Variants in ADAMTSL1 observed in about 807,000 individuals in gnomAD.
ADAMTSL1 encodes ADAMTS like 1.
In ADAMTSL1, 126 loss-of-function variants were observed where a neutral mutation model predicts 201.8. The ratio of observed to expected loss-of-function variants is 0.62; its 90% CI spans 0.54 to 0.72. The LOEUF (loss-of-function observed/expected upper bound fraction) is 0.72. Among genes scored for constraint, ADAMTSL1 ranks in the 30% least tolerant of loss-of-function variants. ADAMTSL1 has a pLI of 0.00. For synonymous variants in ADAMTSL1, 1,121 were observed against 903.4 expected (o/e 1.24, Z -4.32); for missense variants, 2,679 against 2,277.8 (o/e 1.18, Z -3.59).
chr9:18,254,050 C>T (rs1563837133), intron 2 of ADAMTSL1, among the ~76,000 whole-genome samples: 1 of 152,160 alleles, frequency 6.6e-6, no homozygotes, highest in East Asian at 1.9e-4. Context: ...GCAGCACCTC[C>T]TCGAGTGATT....
intron 7 of ADAMTSL1, among the ~76,000 whole-genome samples, chr9:18,654,279 T>C (rs890539870): frequency 1.3e-5 from 2 of 152,224 alleles, no homozygotes; most frequent in African/African-American, 2.4e-5. Flanking sequence ...ATTGCTTCCA[T>C]TTATGAATTT....
intron 2 of ADAMTSL1, among the ~76,000 whole-genome samples, chr9:18,506,807 G>A (rs997476960): frequency 8.6e-5 from 13 of 152,036 alleles, no homozygotes; most frequent in Non-Finnish European, 1.9e-4. Flanking sequence ...GGCTGACCAA[G>A]AAGCTTAAAA....
At chr9:18,516,407 A>T (rs760499701) in intron 2 of ADAMTSL1, among the ~76,000 whole-genome samples, 4 of 152,222 alleles carry the variant, frequency 2.6e-5, no homozygotes, top group Admixed American at 6.5e-5. Flanking sequence ...CATCAGCTGA[A>T]GCCCCTAACT....
rs1423884274 is a variant in ADAMTSL1, at chr9:17,912,042, T to C, written c.87+5120T>C. On this transcript the variant is annotated intron_variant, in intron 1 of 29. Coordinates refer to the ADAMTSL1 transcript ENST00000680146. Reference sequence around the variant, plus strand: ...ATCATTTTTTATGGCTGCATAGTATTCCATGGTGTATATGTGCCACATTTT... The same window carrying C: ...ATCATTTTTTATGGCTGCATAGTATCCCATGGTGTATATGTGCCACATTTT... Among the ~76,000 whole-genome samples the C allele has an allele frequency of 4.1e-4, 23 of 55,598 alleles. 4 individuals are homozygous for C. The highest frequency in any genetic ancestry group is 7.6e-4 in the African/African-American group (23 of 30,358). The allele number at this position is 55,598 out of a possible 152,430, so 36.5% of individuals were successfully genotyped here. A position where few individuals can be genotyped will look rare whatever the true frequency, so the allele number is the denominator to read the frequency against.
At chr9:18,571,566 C>G (rs945224373) in intron 3 of ADAMTSL1, among the ~76,000 whole-genome samples, 4 of 152,200 alleles carry the variant, frequency 2.6e-5, no homozygotes, top group Admixed American at 1.3e-4. Context: ...ACTTTAGACG[C>G]TCCCATTCAA....
At chr9:18,654,476 A>T (rs900470418) in intron 7 of ADAMTSL1, among the ~76,000 whole-genome samples, 1 of 152,240 alleles carries the variant, frequency 6.6e-6, no homozygotes, top group Admixed American at 6.5e-5. Context: ...CATTGTTTGG[A>T]TACCTACTAT....
chr9:18,847,266 C>T (rs776341754), intron 23 of ADAMTSL1, among the ~76,000 whole-genome samples: 1 of 152,068 alleles, frequency 6.6e-6, no homozygotes, highest in Non-Finnish European at 1.5e-5. Context: ...GGGTAGGGGG[C>T]ATTTAACAGA....
At chr9:18,160,668 T>A (rs1377719379) in intron 1 of ADAMTSL1, among the ~76,000 whole-genome samples, 1 of 97,314 alleles carries the variant, frequency 1.0e-5, no homozygotes, top group East Asian at 3.6e-4. Context: ...ATTTCTTTTT[T>A]TAATTAATTA....
intron 26 of ADAMTSL1, among the ~76,000 whole-genome samples, chr9:18,901,107 G>T (rs1380468158): frequency 6.6e-6 from 1 of 150,774 alleles, no homozygotes; most frequent in Non-Finnish European, 1.5e-5. Flanking sequence ...TTCTTATACT[G>T]CCTGTAAGAC....
chr9:18,237,291 A>T (rs1441856049), intron 2 of ADAMTSL1, among the ~76,000 whole-genome samples: 1 of 152,210 alleles, frequency 6.6e-6, no homozygotes, highest in East Asian at 1.9e-4. Context: ...TCTGTTTACC[A>T]GCTCAGGAGG....
chr9:18,514,776 T>G (rs1488052277), intron 2 of ADAMTSL1, among the ~76,000 whole-genome samples: 1 of 152,222 alleles, frequency 6.6e-6, no homozygotes, highest in African/African-American at 2.4e-5. Context: ...TTTGGATGCC[T>G]TTTATTTATT....
At chr9:18,378,991 G>T (rs542883064) in intron 2 of ADAMTSL1, among the ~76,000 whole-genome samples, 7 of 152,150 alleles carry the variant, frequency 4.6e-5, no homozygotes, top group Non-Finnish European at 5.9e-5. Context: ...ACAGAAGCAA[G>T]AAAAAGTAAG....
intron 1 of ADAMTSL1, among the ~76,000 whole-genome samples, chr9:18,061,379 T>C (rs1168191727): frequency 6.6e-6 from 1 of 152,226 alleles, no homozygotes; most frequent in Non-Finnish European, 1.5e-5. Flanking sequence ...ATTTCTTTGC[T>C]TCTACCACAA....
At chr9:18,188,854 C>T (rs984964109) in intron 2 of ADAMTSL1, among the ~76,000 whole-genome samples, 2 of 152,176 alleles carry the variant, frequency 1.3e-5, no homozygotes, top group Non-Finnish European at 2.9e-5. Flanking sequence ...GGCCAGGCAG[C>T]ATTAAGGGCT....
At chr9:18,790,795 A>C (rs1821988562) in intron 19 of ADAMTSL1, among the ~76,000 whole-genome samples, 1 of 152,230 alleles carries the variant, frequency 6.6e-6, no homozygotes, top group South Asian at 2.1e-4. Flanking sequence ...GGGTCAAAGA[A>C]GTAAAGTAAT....
intron 1 of ADAMTSL1, among the ~76,000 whole-genome samples, chr9:18,081,576 G>T (rs976788930): frequency 5.3e-5 from 8 of 152,088 alleles, no homozygotes; most frequent in African/African-American, 1.9e-4. Flanking sequence ...ACACATGTTT[G>T]CAGATTTCCA....
chr9:18,273,779 G>A (rs1832478834), intron 2 of ADAMTSL1, among the ~76,000 whole-genome samples: 1 of 152,126 alleles, frequency 6.6e-6, no homozygotes, highest in African/African-American at 2.4e-5. Context: ...GATTTCAATG[G>A]ACAAAATGTA....
chr9:18,720,141 C>G (rs1357736334), intron 14 of ADAMTSL1, among the ~76,000 whole-genome samples: 1 of 152,096 alleles, frequency 6.6e-6, no homozygotes, highest in Non-Finnish European at 1.5e-5. Context: ...AGACAAATGT[C>G]TAGGTTATTC....
chr9:18,067,250 C>T (rs1202453009), intron 1 of ADAMTSL1, among the ~76,000 whole-genome samples: 1 of 152,118 alleles, frequency 6.6e-6, no homozygotes, highest in Non-Finnish European at 1.5e-5. Context: ...TTTGTGCTAA[C>T]TTTCTCGTTG....
Sources: allele counts gnomAD v4.1 joint callset (sites outside exome capture counted in the v4.1 genomes callset), GRCh38; gene constraint gnomAD v4.1.1; transcripts MANE v1.5; gene names NCBI Gene and HGNC (gene_info 2026-07-23, HGNC 2026-07-21).